LARP1B: variants seen among roughly 807,000 people sequenced by gnomAD.
The protein encoded by LARP1B is La ribonucleoprotein 1B.
Under a neutral mutation model 114.2 loss-of-function variants are expected in LARP1B, and 76 were observed. The ratio of observed to expected loss-of-function variants is 0.67; its 90% CI spans 0.55 to 0.81. LARP1B has a LOEUF of 0.81. Ranked by LOEUF, LARP1B falls within the 30% of genes least tolerant of loss-of-function variation. LARP1B has a pLI of 0.00. For synonymous variants in LARP1B, 345 were observed against 348.0 expected, an observed-to-expected ratio of 0.99 and a Z score of 0.10; for missense variants, 1,014 against 1,075.8, an observed-to-expected ratio of 0.94 and a Z score of 0.80.
intron 9 of LARP1B, chr4:128,108,818 G>T: frequency 3.0e-6 from 3 of 984,014 alleles, no homozygotes; most frequent in Non-Finnish European, 3.6e-6. Context: ...TTCTCTGCAG[G>T]GTAGGTAAGA....
intron 11 of LARP1B, among the ~76,000 whole-genome samples, chr4:128,124,753 A>G (rs1280717029): frequency 1.3e-5 from 2 of 152,234 alleles, no homozygotes; most frequent in Admixed American, 1.3e-4. Context: ...GGCAGAGGAA[A>G]TATAGAAGTG....
chr4:128,119,346 A>G (rs1457027062), intron 10 of LARP1B, among the ~76,000 whole-genome samples: 4 of 152,188 alleles, frequency 2.6e-5, no homozygotes, highest in Non-Finnish European at 5.9e-5. Flanking sequence ...TGGTGAAATT[A>G]CCTTTTCTTT....
chr4:128,211,059 T>G lies in LARP1B; in HGVS notation c.*1006T>G, dbSNP rs530683553. On this transcript the variant is annotated 3_prime_UTR_variant, in exon 20 of 20. Transcript: ENST00000326639. ...GTTATAGCAAATTGATTTCTAATTT[T>G]TATTGCTATTACAACTGATGTAAAT... is the stretch of plus-strand genomic sequence containing the variant. 8.9e-6 allele frequency: 8 copies of G among 900,784 alleles called. No homozygotes were observed. Among genetic ancestry groups the G allele is most frequent in the Admixed American group, 1.2e-4 (2 of 16,150 alleles). 55.8% of individuals were successfully genotyped at this position (900,784 alleles called of 1,614,324 possible).
chr4:128,136,958 A>G (rs748159346), intron 11 of LARP1B, among the ~76,000 whole-genome samples: 1 of 152,208 alleles, frequency 6.6e-6, no homozygotes, highest in African/African-American at 2.4e-5. Flanking sequence ...CATATTCCCC[A>G]AAACAATGAT....
In LARP1B at chr4:128,114,035, A is replaced by T. The variant is rs137892442; in HGVS notation, c.989-535A>T. ...TCACTCTTTAAAGTATTTCAGTATG[A>T]GCCAAAGTAGTAAATGACTACACTG... is the stretch of plus-strand genomic sequence containing the variant. On this transcript the variant is annotated intron_variant, in intron 9 of 19. Coordinates refer to ENST00000326639, the MANE Select transcript of LARP1B (RefSeq NM_018078.4). Among the ~76,000 whole-genome samples, 5 of 152,278 alleles carry T rather than the reference A, an allele frequency of 3.3e-5. No homozygotes were observed. The East Asian group carries it at 9.6e-4, about 29-fold the overall frequency.
chr4:128,144,024 G>A (rs139086222), intron 11 of LARP1B, among the ~76,000 whole-genome samples: 1 of 152,170 alleles, frequency 6.6e-6, no homozygotes, highest in Non-Finnish European at 1.5e-5. Context: ...CGAACTAGGT[G>A]ATTCTTTGTT....
intron 10 of LARP1B, among the ~76,000 whole-genome samples, chr4:128,117,498 G>T (rs559217165): frequency 2.6e-4 from 39 of 152,232 alleles, no homozygotes; most frequent in African/African-American, 8.9e-4. Context: ...CGATTCTCCT[G>T]CCTCAGCCTC....
intron 8 of LARP1B, among the ~76,000 whole-genome samples, chr4:128,102,295 A>G (rs571083117): frequency 6.6e-5 from 10 of 152,194 alleles, no homozygotes; most frequent in Non-Finnish European, 1.3e-4. Context: ...CTCTGTGACT[A>G]TTGTCAGTGT....
At chr4:128,070,778 A>G (rs1215912844) in intron 1 of LARP1B, among the ~76,000 whole-genome samples, 1 of 152,030 alleles carries the variant, frequency 6.6e-6, no homozygotes, top group East Asian at 1.9e-4. Flanking sequence ...CCTGGGCAAC[A>G]TAGTGAAACC....
rs70966082 is a variant in LARP1B at position 128,160,522 on chromosome 4, T to TTG, written c.1525-1654_1525-1653dup. Among the ~76,000 whole-genome samples, 884 of 150,722 alleles carry TTG rather than the reference T, an allele frequency of 5.9e-3. 7 individuals are homozygous for TTG. Among genetic ancestry groups the TTG allele is most frequent in the African/African-American group, 8.6e-3 (353 of 41,188 alleles). On this transcript the variant is annotated intron_variant, in intron 11 of 19. Transcript: ENST00000326639. ...TATATACTTATGATTTGTACACTTCTTGTGTGTGTGTGTGTGTGTATGTTA... is the reference window on the plus strand; with the variant it reads ...TATATACTTATGATTTGTACACTTCTTGTGTGTGTGTGTGTGTGTGTATGTTA...
At chr4:128,120,197 G>A (rs1311395711) in intron 10 of LARP1B, among the ~76,000 whole-genome samples, 1 of 152,076 alleles carries the variant, frequency 6.6e-6, no homozygotes, top group Non-Finnish European at 1.5e-5. Context: ...CTCAGAGGAA[G>A]CACTCAGATA....
At chr4:128,097,891 C>G (rs1020186016) in intron 7 of LARP1B, among the ~76,000 whole-genome samples, 1 of 151,994 alleles carries the variant, frequency 6.6e-6, no homozygotes, top group Non-Finnish European at 1.5e-5. Context: ...AATTATTGAA[C>G]TATTTTAAGG....
At chr4:128,141,104 G>A (rs1035117229) in intron 11 of LARP1B, among the ~76,000 whole-genome samples, 34 of 152,102 alleles carry the variant, frequency 2.2e-4, no homozygotes, top group African/African-American at 7.2e-4. Context: ...ATGAGCCACC[G>A]CACCTGGCCA....
chr4:128,065,301 CTTTCTTTCTTTCTT>C (rs1246665797), intron 1 of LARP1B, among the ~76,000 whole-genome samples: 1,519 of 130,922 alleles, frequency 0.012, 20 homozygotes, highest in South Asian at 0.014. Flanking sequence ...TTCTTTCTTT[CTTTCTTTCTTTCTT>C]TCTCTCTCTC....
At chr4:128,083,457 C>A (rs915825368) in intron 5 of LARP1B, among the ~76,000 whole-genome samples, 3 of 149,380 alleles carry the variant, frequency 2.0e-5, no homozygotes, top group African/African-American at 7.4e-5. Context: ...TGACCCCCCC[C>A]ACCTCCCTCC....
intron 9 of LARP1B, chr4:128,107,746 T>C: frequency 6.7e-7 from 1 of 1,483,252 alleles, no homozygotes; most frequent in Non-Finnish European, 8.9e-7. Flanking sequence ...ATGACCTGCA[T>C]TCTAAATTAG....
intron 1 of LARP1B, among the ~76,000 whole-genome samples, chr4:128,065,340 CTT>C (rs1561013596): frequency 5.4e-5 from 5 of 93,174 alleles, no homozygotes; most frequent in African/African-American, 2.4e-4. Context: ...TCTTTCCTTT[CTT>C]TTCTTTTCTT....
chr4:128,191,423 C>A (rs183080829), intron 15 of LARP1B, among the ~76,000 whole-genome samples: 150 of 152,282 alleles, frequency 9.9e-4, no homozygotes, highest in Non-Finnish European at 2.0e-3. Flanking sequence ...AGATTCTTTG[C>A]AGTAGCGTGT....
intron 11 of LARP1B, among the ~76,000 whole-genome samples, chr4:128,139,946 G>A (rs1017317643): frequency 6.6e-6 from 1 of 152,092 alleles, no homozygotes; most frequent in African/African-American, 2.4e-5. Context: ...ATATATTCTC[G>A]AGTTGCATTG....
Sources: gnomAD v4.1 joint callset for allele counts (sites outside exome capture counted in the v4.1 genomes callset) on GRCh38, gnomAD v4.1.1 for gene constraint, MANE v1.5 for transcripts, NCBI Gene and HGNC (gene_info 2026-07-23, HGNC 2026-07-21) for gene names.